CST8: variants seen among roughly 807,000 people sequenced by gnomAD.
CST8 encodes the protein cystatin 8, also known as cystatin-8.
A neutral mutation model predicts 11.8 loss-of-function variants in CST8; 20 were observed. The ratio of observed to expected loss-of-function variants is 1.70; its 90% CI spans 1.20 to 2.47. The LOEUF (loss-of-function observed/expected upper bound fraction) is 2.47. Among genes scored for constraint, CST8 ranks in the 30% most tolerant of loss-of-function variants. The probability of loss-of-function intolerance (pLI) is 0.00; values close to 1 mark genes in which losing one functional copy is unlikely to be tolerated. For synonymous variants in CST8, 77 were observed against 63.1 expected (o/e 1.22, Z -1.05); for missense variants, 196 against 167.2 (o/e 1.17, Z -0.95).
the CST8 span, among the ~76,000 whole-genome samples, chr20:23,502,045 C>T: frequency 6.6e-6 from 1 of 152,214 alleles, no homozygotes; most frequent in Non-Finnish European, 1.5e-5. Context: ...CAGTTCAAGA[C>T]TCAGTGACTG....
downstream of CST8, among the ~76,000 whole-genome samples, chr20:23,497,786 G>A (rs1189484333): frequency 6.6e-6 from 1 of 152,174 alleles, no homozygotes; most frequent in Non-Finnish European, 1.5e-5. Flanking sequence ...CAGTATGGGG[G>A]AAACCACCCC....
downstream of CST8, among the ~76,000 whole-genome samples, chr20:23,500,756 G>C (rs1988162701): frequency 6.7e-6 from 1 of 148,902 alleles, no homozygotes; most frequent in South Asian, 2.1e-4. Flanking sequence ...TGGTGGGGTG[G>C]CTGGGTGGGG....
chr20:23,503,601 A>G, the CST8 span, among the ~76,000 whole-genome samples: 22 of 152,348 alleles, frequency 1.4e-4, no homozygotes, highest in Non-Finnish European at 1.5e-5. Context: ...AATAGAGCTA[A>G]AGACTGAGAA....
At chr20:23,506,886 C>A in the CST8 span, among the ~76,000 whole-genome samples, 1 of 152,284 alleles carries the variant, frequency 6.6e-6, no homozygotes, top group East Asian at 1.9e-4. Context: ...TTCTCCTCCC[C>A]CTGCCCCGAT....
At chr20:23,502,481 G>A in the CST8 span, among the ~76,000 whole-genome samples, 4 of 152,112 alleles carry the variant, frequency 2.6e-5, no homozygotes, top group Non-Finnish European at 5.9e-5. Flanking sequence ...ATAGAGTGCC[G>A]CACGGCCCCC....
At chr20:23,503,010 G>T in the CST8 span, among the ~76,000 whole-genome samples, 1 of 151,792 alleles carries the variant, frequency 6.6e-6, no homozygotes, top group Admixed American at 6.6e-5. Flanking sequence ...TTTTAAAGGA[G>T]CAATCATGGA....
intron 2 of CST8, among the ~76,000 whole-genome samples, chr20:23,492,268 G>A (rs150577832): frequency 6.9e-4 from 105 of 152,340 alleles, no homozygotes; most frequent in African/African-American, 2.2e-3. Flanking sequence ...ATCTCCTGCT[G>A]TAATCCTTTA....
chr20:23,496,815 G>T (rs562200999), downstream of CST8, among the ~76,000 whole-genome samples: 9 of 152,328 alleles, frequency 5.9e-5, no homozygotes, highest in East Asian at 7.7e-4. Context: ...CTGAGAAAAA[G>T]AATTCAGTGA....
chr20:23,501,835 C>T, the CST8 span, among the ~76,000 whole-genome samples: 1 of 152,272 alleles, frequency 6.6e-6, no homozygotes, highest in Non-Finnish European at 1.5e-5. Context: ...TTTTCTGGTT[C>T]CAAACTCCTT....
Position 23,491,640 on chromosome 20 carries a change from G to A in CST8, c.-28G>A. On this transcript the variant is annotated 5_prime_UTR_variant, in exon 2 of 4. Coordinates refer to ENST00000246012, the MANE Select transcript of CST8 (RefSeq NM_005492.4). ...CAGCCCTGAGACGACGAGGAGGAGA[G>A]TCGACTTTGCCTCTTGCCCAAGGGA... 2 of 1,573,566 alleles carry A rather than the reference G, an allele frequency of 1.3e-6. No homozygotes were observed. Among genetic ancestry groups the A allele is most frequent in the Non-Finnish European group, 1.7e-6 (2 of 1,143,840 alleles).
intron 2 of CST8, 72 bp downstream of exon 2, chr20:23,491,970 G>T (rs1466897441): frequency 8.2e-7 from 1 of 1,224,714 alleles, no homozygotes; most frequent in Non-Finnish European, 1.2e-6. Context: ...GAAAGAGTGG[G>T]CATATAAGAA....
At chr20:23,504,798 T>C in the CST8 span, among the ~76,000 whole-genome samples, 1 of 152,180 alleles carries the variant, frequency 6.6e-6, no homozygotes, top group Admixed American at 6.5e-5. Flanking sequence ...GAGAGACAGA[T>C]AATATTCCTG....
chr20:23,498,460 A>C (rs919765102), downstream of CST8, among the ~76,000 whole-genome samples: 2 of 152,200 alleles, frequency 1.3e-5, no homozygotes, highest in African/African-American at 4.8e-5. Context: ...CAACAGGATG[A>C]GGCCATGAAA....
At chr20:23,501,419 C>A in the CST8 span, among the ~76,000 whole-genome samples, 1 of 152,242 alleles carries the variant, frequency 6.6e-6, no homozygotes, top group African/African-American at 2.4e-5. Flanking sequence ...GGATTCAGGG[C>A]CTGCTGCCTT....
the CST8 span, among the ~76,000 whole-genome samples, chr20:23,501,485 G>A: frequency 6.6e-6 from 1 of 152,214 alleles, no homozygotes; most frequent in Non-Finnish European, 1.5e-5. Flanking sequence ...ACTGAGGCAC[G>A]CCTCCTCAGA....
chr20:23,502,574 G>T, the CST8 span, among the ~76,000 whole-genome samples: 3 of 152,212 alleles, frequency 2.0e-5, no homozygotes, highest in Non-Finnish European at 2.9e-5. Flanking sequence ...GATGATGCCT[G>T]CTGGGGTCAG....
downstream of CST8, among the ~76,000 whole-genome samples, chr20:23,496,429 G>A (rs1299583971): frequency 1.3e-5 from 2 of 152,136 alleles, no homozygotes; most frequent in East Asian, 3.9e-4. Context: ...CAAAAGGGGA[G>A]GGAGTGTACA....
the CST8 span, among the ~76,000 whole-genome samples, chr20:23,504,835 C>T: frequency 6.6e-6 from 1 of 152,128 alleles, no homozygotes. Context: ...TTAAATATGT[C>T]ACAAGTACTA....
In CST8 at chr20:23,491,837, A is replaced by G. The variant is rs1013968111; in HGVS notation, c.170A>G (p.Asn57Ser). Residue 57 changes from asparagine (N) to serine (S), a missense_variant, in exon 2 of 4, where the codon AAC becomes AGC. Coordinates refer to ENST00000246012, the MANE Select transcript of CST8 (RefSeq NM_005492.4). ...CTGTGGTTTGCCATGCAAGAATACA[A>G]CAAAGAGAGCGAGGACAAGTATGTC... ...QCLWFAMQEY[N>S]KESEDKYVFL... 3.7e-6 allele frequency: 6 copies of G among 1,614,102 alleles called. No homozygotes were observed. Among genetic ancestry groups the G allele is most frequent in the Non-Finnish European group, 4.2e-6 (5 of 1,180,040 alleles).
Sources: allele counts gnomAD v4.1 joint callset (sites outside exome capture counted in the v4.1 genomes callset), GRCh38; gene constraint gnomAD v4.1.1; transcripts MANE v1.5; gene names NCBI Gene and HGNC (gene_info 2026-07-23, HGNC 2026-07-21).